The following DPYD variants were observed in gnomAD, a reference collection of about 807,000 sequenced individuals.
DPYD encodes the protein dihydropyrimidine dehydrogenase, also known as dihydropyrimidine dehydrogenase [NADP(+)].
A neutral mutation model predicts 116.2 loss-of-function variants in DPYD; 109 were observed. The observed-to-expected ratio is 0.94, with a 90% CI of 0.80 to 1.10. The LOEUF (loss-of-function observed/expected upper bound fraction) is 1.10. Ranked by LOEUF, DPYD falls within the 50% of genes least tolerant of loss-of-function variation. DPYD has a pLI of 0.00. For synonymous variants in DPYD, 440 were observed against 432.0 expected (o/e 1.02, Z -0.23); for missense variants, 1,302 against 1,254.5 (o/e 1.04, Z -0.57).
chr1:97,704,482 TAAAAC>T (rs1226322902), intron 5 of DPYD, among the ~76,000 whole-genome samples: 1 of 152,038 alleles, frequency 6.6e-6, no homozygotes, highest in Non-Finnish European at 1.5e-5. Flanking sequence ...AAAAGTTAGT[TAAAAC>T]AAATTACAAA....
intron 16 of DPYD, among the ~76,000 whole-genome samples, chr1:97,324,478 T>G (rs1476392346): frequency 1.3e-5 from 2 of 152,056 alleles, no homozygotes; most frequent in East Asian, 3.9e-4. Context: ...GGCAGGTGTA[T>G]GCCAAATACT....
At chr1:97,414,986 A>G (rs528384383) in intron 14 of DPYD, among the ~76,000 whole-genome samples, 1 of 152,120 alleles carries the variant, frequency 6.6e-6, no homozygotes, top group Non-Finnish European at 1.5e-5. Context: ...TTTAGCTAAT[A>G]TTTTCTTTAT....
chr1:97,687,361 A>C (rs1327349442), intron 7 of DPYD, among the ~76,000 whole-genome samples: 1 of 152,130 alleles, frequency 6.6e-6, no homozygotes, highest in Non-Finnish European at 1.5e-5. Context: ...GTGGCCAACA[A>C]ACAAACATGA....
intron 18 of DPYD, among the ~76,000 whole-genome samples, chr1:97,278,297 T>C (rs560497217): frequency 3.9e-5 from 6 of 152,288 alleles, no homozygotes; most frequent in Non-Finnish European, 8.8e-5. Flanking sequence ...CCAAAAGTAA[T>C]GCGCCAGTCT....
intron 4 of DPYD, among the ~76,000 whole-genome samples, chr1:97,729,815 G>C (rs1182915541): frequency 6.6e-6 from 1 of 152,046 alleles, no homozygotes; most frequent in Non-Finnish European, 1.5e-5. Flanking sequence ...CTTAGTCTAT[G>C]TGTGCACATG....
chr1:97,387,184 G>A (rs1672395847), intron 14 of DPYD, among the ~76,000 whole-genome samples: 1 of 152,010 alleles, frequency 6.6e-6, no homozygotes, highest in Non-Finnish European at 1.5e-5. Context: ...ATGCTACACA[G>A]TATTTGAACT....
chr1:97,105,886 G>A (rs1651101451), intron 20 of DPYD, among the ~76,000 whole-genome samples: 1 of 152,114 alleles, frequency 6.6e-6, no homozygotes, highest in East Asian at 1.9e-4. Context: ...GAGGAGAAGA[G>A]AAGTAAGGAA....
At chr1:97,667,118 T>C (rs1361753809) in intron 8 of DPYD, among the ~76,000 whole-genome samples, 2 of 152,124 alleles carry the variant, frequency 1.3e-5, no homozygotes, top group African/African-American at 4.8e-5. Context: ...AAAGAGACCA[T>C]ACAGCCCACA....
At chr1:97,659,082 A>G (rs1659105798) in intron 8 of DPYD, among the ~76,000 whole-genome samples, 1 of 152,114 alleles carries the variant, frequency 6.6e-6, no homozygotes, top group South Asian at 2.1e-4. Context: ...AAGTCATCCC[A>G]GGAATGTTGG....
At chr1:97,738,550 T>C (rs1215026018) in intron 4 of DPYD, among the ~76,000 whole-genome samples, 4 of 152,120 alleles carry the variant, frequency 2.6e-5, no homozygotes, top group African/African-American at 9.7e-5. Flanking sequence ...CCTCCTGCGT[T>C]GAGGTCCACT....
intron 2 of DPYD, among the ~76,000 whole-genome samples, chr1:97,869,141 A>G (rs563373145): frequency 6.6e-6 from 1 of 151,896 alleles, no homozygotes; most frequent in East Asian, 1.9e-4. Context: ...AATGAAAAAG[A>G]ATCTCTTGTC....
intron 13 of DPYD, among the ~76,000 whole-genome samples, chr1:97,510,916 G>T (rs1370279923): frequency 6.6e-6 from 1 of 151,836 alleles, no homozygotes; most frequent in Non-Finnish European, 1.5e-5. Flanking sequence ...ACATTGTGAG[G>T]CAAGAGAGAT....
At chr1:97,546,349 G>A (rs1650862107) in intron 12 of DPYD, 1 of 1,425,062 alleles carries the variant, frequency 7.0e-7, no homozygotes, top group African/African-American at 1.4e-5. Context: ...TGGAGTTGTT[G>A]GGAATGAAGC....
At position 97,868,401 on chromosome 1, in the gene DPYD, C is replaced by T. The variant is rs572086479; in HGVS notation, c.150+14863G>A. ...TTCAAATGATATCTGTAATTTATTA[C>T]TAAAAGATAAAATATTATTCGAAGA... is the stretch of plus-strand genomic sequence containing the variant. On this transcript the variant is annotated intron_variant, in intron 2 of 22. Transcript: ENST00000370192. Among the ~76,000 whole-genome samples the T allele has an allele frequency of 2.0e-5, 3 of 151,726 alleles. No individual in the cohort carries two copies. The East Asian group carries it at 5.8e-4, about 30-fold the overall frequency.
At chr1:97,310,760 G>A (rs1166613551) in intron 16 of DPYD, among the ~76,000 whole-genome samples, 3 of 151,716 alleles carry the variant, frequency 2.0e-5, no homozygotes, top group Non-Finnish European at 4.4e-5. Context: ...ATATATACAA[G>A]TGAGATGGAA....
intron 18 of DPYD, among the ~76,000 whole-genome samples, chr1:97,252,629 T>G (rs768846526): frequency 2.6e-5 from 4 of 152,120 alleles, no homozygotes; most frequent in Non-Finnish European, 4.4e-5. Context: ...GGAGAGACAT[T>G]TTTCAGTAAC....
chr1:97,615,089 T>C (rs1293115930), intron 8 of DPYD, among the ~76,000 whole-genome samples: 1 of 152,166 alleles, frequency 6.6e-6, no homozygotes. Flanking sequence ...ATTTGGAAAC[T>C]TGCATAACAC....
chr1:97,500,166 T>C (rs1032960481), intron 13 of DPYD, among the ~76,000 whole-genome samples: 2 of 152,024 alleles, frequency 1.3e-5, no homozygotes, highest in Admixed American at 6.6e-5. Flanking sequence ...CTAGAACTTT[T>C]AGTTTTAAAG....
chr1:97,682,134 C>T (rs995566906), intron 7 of DPYD, among the ~76,000 whole-genome samples: 1 of 151,994 alleles, frequency 6.6e-6, no homozygotes, highest in Non-Finnish European at 1.5e-5. Flanking sequence ...GAAAGATGCT[C>T]ATTCTGTATT....
Sources: allele counts gnomAD v4.1 joint callset (sites outside exome capture counted in the v4.1 genomes callset), GRCh38; gene constraint gnomAD v4.1.1; transcripts MANE v1.5; gene names NCBI Gene and HGNC (gene_info 2026-07-23, HGNC 2026-07-21).